AIG1: variants seen among roughly 807,000 people sequenced by gnomAD.
AIG1 encodes androgen induced 1.
Under a neutral mutation model 31.4 loss-of-function variants are expected in AIG1, and 23 were observed. The observed-to-expected ratio is 0.73, with a 90% CI of 0.53 to 1.04. The LOEUF is 1.04. AIG1 is among the 50% of genes least tolerant of loss of function. AIG1 has a pLI of 0.00. For missense variants in AIG1, 274 were observed against 295.0 expected (o/e 0.93, Z 0.52); for synonymous variants, 100 against 110.5 (o/e 0.90, Z 0.60).
chr6:143,203,805 C>G (rs959850608), intron 3 of AIG1, among the ~76,000 whole-genome samples: 1 of 152,134 alleles, frequency 6.6e-6, no homozygotes, highest in Non-Finnish European at 1.5e-5. Flanking sequence ...AAGAAGAATT[C>G]GACAGAAGAC....
At position 143,131,022 on chromosome 6, in the gene AIG1, G is replaced by A. The variant is rs922140654; in HGVS notation, c.142-5813G>A. Among the ~76,000 whole-genome samples, 23 of 152,104 alleles carry A rather than the reference G, an allele frequency of 1.5e-4. 1 individual carries two copies. Among genetic ancestry groups the A allele is most frequent in the Admixed American group, 3.3e-4 (5 of 15,278 alleles). Reference sequence around the variant, plus strand: ...AGTTACTTCAGCCTTCTTATGGTTAGCATTTGCATTCATTTACTTTTAACC... The same window carrying A: ...AGTTACTTCAGCCTTCTTATGGTTAACATTTGCATTCATTTACTTTTAACC... On this transcript the variant is annotated intron_variant, in intron 1 of 5. Coordinates refer to ENST00000357847, the MANE Select transcript of AIG1 (RefSeq NM_016108.4).
At chr6:143,112,962 T>G (rs1012095564) in intron 1 of AIG1, among the ~76,000 whole-genome samples, 1 of 152,214 alleles carries the variant, frequency 6.6e-6, no homozygotes, top group East Asian at 1.9e-4. Flanking sequence ...TCTTATTTTG[T>G]GTGCTCAGGA....
At chr6:143,171,423 A>T (rs1350500900) in intron 3 of AIG1, among the ~76,000 whole-genome samples, 6 of 105,198 alleles carry the variant, frequency 5.7e-5, no homozygotes, top group Non-Finnish European at 8.7e-5. Context: ...TATATATATA[A>T]TATATATAAT....
chr6:143,199,729 G>A (rs959517094), intron 3 of AIG1, among the ~76,000 whole-genome samples: 2 of 152,096 alleles, frequency 1.3e-5, no homozygotes, highest in East Asian at 3.8e-4. Flanking sequence ...GTGATAGAAG[G>A]GATGTAAAAA....
At chr6:143,151,815 A>G (rs1229844944) in intron 2 of AIG1, among the ~76,000 whole-genome samples, 3 of 152,246 alleles carry the variant, frequency 2.0e-5, no homozygotes, top group African/African-American at 7.2e-5. Flanking sequence ...CCAGAAGGGA[A>G]GCCGAATTCT....
intron 1 of AIG1, among the ~76,000 whole-genome samples, chr6:143,106,997 C>A (rs552335146): frequency 2.4e-4 from 37 of 152,282 alleles, no homozygotes; most frequent in African/African-American, 8.9e-4. Context: ...TCTTCAAATA[C>A]CCTCACATTG....
intron 4 of AIG1, among the ~76,000 whole-genome samples, chr6:143,296,024 C>T (rs1200948713): frequency 2.0e-5 from 3 of 151,976 alleles, no homozygotes; most frequent in African/African-American, 7.3e-5. Flanking sequence ...GTTTTAGATG[C>T]AAGCAAATAG....
chr6:143,124,391 G>T (rs977237462), intron 1 of AIG1, among the ~76,000 whole-genome samples: 2 of 152,166 alleles, frequency 1.3e-5, no homozygotes, highest in Non-Finnish European at 2.9e-5. Context: ...GCCCCAGCCT[G>T]TTCCGGTGAC....
chr6:143,176,039 G>A (rs1442045168), intron 3 of AIG1, among the ~76,000 whole-genome samples: 1 of 152,188 alleles, frequency 6.6e-6, no homozygotes, highest in Non-Finnish European at 1.5e-5. Flanking sequence ...TAAGGAGGGG[G>A]CTTCCTGAGA....
chr6:143,062,531 A>G (rs1334380646), intron 1 of AIG1, among the ~76,000 whole-genome samples: 4 of 152,202 alleles, frequency 2.6e-5, no homozygotes, highest in African/African-American at 9.7e-5. Flanking sequence ...TTGATTGAAC[A>G]ACAATGTCGG....
In AIG1 at chr6:143,160,563, G is replaced by A. The variant is rs377117082; in HGVS notation, c.298-4519G>A. Among the ~76,000 whole-genome samples, 11 of 152,326 alleles carry A rather than the reference G, an allele frequency of 7.2e-5. No individual in the cohort carries two copies. In the East Asian group the frequency reaches 1.9e-3, roughly 27 times the overall value. ...TCCTGGCAGCCAAGAAGCAGCAGGT[G>A]TAGGATGAGGAATAGCTGGCCATTG... On this transcript the variant is annotated intron_variant, in intron 2 of 5. Transcript: ENST00000357847.
intron 3 of AIG1, among the ~76,000 whole-genome samples, chr6:143,274,191 T>A (rs1372382252): frequency 6.7e-6 from 1 of 149,664 alleles, no homozygotes; most frequent in Non-Finnish European, 1.5e-5. Context: ...CCTTCCCTCA[T>A]AGGAGATCTA....
chr6:143,166,815 A>G (rs997333614), intron 3 of AIG1, among the ~76,000 whole-genome samples: 1 of 152,204 alleles, frequency 6.6e-6, no homozygotes, highest in Admixed American at 6.6e-5. Context: ...GCAATTACAA[A>G]TGAAGAAACT....
At chr6:143,277,396 C>T (rs777767324) in intron 3 of AIG1, among the ~76,000 whole-genome samples, 3 of 152,206 alleles carry the variant, frequency 2.0e-5, no homozygotes, top group Non-Finnish European at 4.4e-5. Flanking sequence ...AGTCCAGTCA[C>T]ATCGCTGGCC....
rs188533644 is a variant in AIG1, at chr6:143,141,944, T to A, written c.297+4954T>A. Among the ~76,000 whole-genome samples, 526 of 151,488 alleles carry A rather than the reference T, an allele frequency of 3.5e-3. 7 individuals carry two copies. Among genetic ancestry groups the A allele is most frequent in the African/African-American group, 0.012 (503 of 41,394 alleles). ...ACAGCAAATAAATAAATAAATAAAA[T>A]ATATATATATATGAGTTTAATGACT... On this transcript the variant is annotated intron_variant, in intron 2 of 5. Coordinates refer to ENST00000357847, the MANE Select transcript of AIG1 (RefSeq NM_016108.4).
At chr6:143,133,507 G>A (rs1783457343) in intron 1 of AIG1, among the ~76,000 whole-genome samples, 1 of 152,060 alleles carries the variant, frequency 6.6e-6, no homozygotes, top group Admixed American at 6.5e-5. Context: ...TTGAGTTTGG[G>A]CAGGATGTGA....
intron 1 of AIG1, among the ~76,000 whole-genome samples, chr6:143,131,173 T>C (rs1056126167): frequency 6.6e-6 from 1 of 152,256 alleles, no homozygotes; most frequent in African/African-American, 2.4e-5. Context: ...ACAGACATTG[T>C]TGGGTTAAGT....
At chr6:143,141,522 G>A (rs1231141389) in intron 2 of AIG1, among the ~76,000 whole-genome samples, 1 of 152,162 alleles carries the variant, frequency 6.6e-6, no homozygotes, top group Non-Finnish European at 1.5e-5. Context: ...AAGAAATCAG[G>A]CAGGGTTGCT....
chr6:143,171,453 T>A (rs1323273864), intron 3 of AIG1, among the ~76,000 whole-genome samples: 7 of 56,810 alleles, frequency 1.2e-4, no homozygotes, highest in East Asian at 4.8e-3. Flanking sequence ...ATATATATAT[T>A]TAATATATAT....
Sources: gnomAD v4.1 joint callset for allele counts (sites outside exome capture counted in the v4.1 genomes callset) on GRCh38, gnomAD v4.1.1 for gene constraint, MANE v1.5 for transcripts, NCBI Gene and HGNC (gene_info 2026-07-23, HGNC 2026-07-21) for gene names.